Variants in PACRG observed in about 807,000 individuals in gnomAD.
The protein encoded by PACRG is parkin coregulated gene protein.
In PACRG, 29 loss-of-function variants were observed where a neutral mutation model predicts 29.7. The ratio of observed to expected loss-of-function variants is 0.98; its 90% CI spans 0.73 to 1.33. The LOEUF (loss-of-function observed/expected upper bound fraction) is 1.33. Among genes scored for constraint, PACRG ranks in the 40% most tolerant of loss-of-function variants. The pLI, the probability that PACRG is intolerant of heterozygous loss-of-function variation, is 0.00. For synonymous variants in PACRG, 116 were observed against 118.7 expected (o/e 0.98, Z 0.15); for missense variants, 279 against 316.2 (o/e 0.88, Z 0.89).
Position 162,779,101 on chromosome 6 carries a change from G to A in PACRG, c.157-35046G>A, listed in dbSNP as rs180992908. Among the ~76,000 whole-genome samples the A allele has an allele frequency of 1.1e-4, 17 of 152,136 alleles. No individual in the cohort carries two copies. In the East Asian group the frequency reaches 1.7e-3, roughly 16 times the overall value. Reference sequence around the variant, plus strand: ...ATGTGTCCATGTGTTCTCATCATTCGGCTCCGACTTATAAGCAAGAACACG... The same window carrying A: ...ATGTGTCCATGTGTTCTCATCATTCAGCTCCGACTTATAAGCAAGAACACG... On this transcript the variant is annotated intron_variant, in intron 1 of 4. Transcript: ENST00000366888.
intron 2 of PACRG, among the ~76,000 whole-genome samples, chr6:162,892,719 G>A (rs1179054926): frequency 6.6e-6 from 1 of 152,182 alleles, no homozygotes; most frequent in East Asian, 1.9e-4. Context: ...GCCGTGACAG[G>A]CCTCTGTAGA....
chr6:163,227,097 C>G (rs1173322502), intron 4 of PACRG, among the ~76,000 whole-genome samples: 2 of 152,098 alleles, frequency 1.3e-5, no homozygotes, highest in East Asian at 3.9e-4. Context: ...TCTTGCATTG[C>G]TATAAGGAAA....
chr6:163,254,399 A>G (rs1380073349), intron 4 of PACRG, among the ~76,000 whole-genome samples: 2 of 152,330 alleles, frequency 1.3e-5, no homozygotes, highest in African/African-American at 2.4e-5. Context: ...ATGAGGCCCC[A>G]TTGAAGTAGG....
chr6:162,880,311 G>T (rs1320727997), intron 2 of PACRG, among the ~76,000 whole-genome samples: 2 of 152,202 alleles, frequency 1.3e-5, no homozygotes, highest in African/African-American at 4.8e-5. Flanking sequence ...ATGTTGCCAG[G>T]CCCCTCACTG....
chr6:162,949,103 C>T (rs551037231), intron 2 of PACRG, among the ~76,000 whole-genome samples: 116 of 152,146 alleles, frequency 7.6e-4, no homozygotes, highest in Non-Finnish European at 1.4e-3. Flanking sequence ...CCTAATTATT[C>T]CTCAGTATAT....
chr6:162,933,032 T>C (rs983574516), intron 2 of PACRG, among the ~76,000 whole-genome samples: 2 of 152,098 alleles, frequency 1.3e-5, no homozygotes, highest in Admixed American at 6.5e-5. Context: ...GTTTCCTGTA[T>C]CTCATATGAT....
intron 4 of PACRG, among the ~76,000 whole-genome samples, chr6:163,269,861 A>G (rs1418119683): frequency 1.5e-5 from 1 of 65,874 alleles, no homozygotes; most frequent in African/African-American, 8.5e-5. Flanking sequence ...AAGAAAGAGA[A>G]AGAAAGAGAA....
chr6:162,767,092 T>C (rs879914609), intron 1 of PACRG, among the ~76,000 whole-genome samples: 3 of 152,082 alleles, frequency 2.0e-5, no homozygotes, highest in Non-Finnish European at 4.4e-5. Context: ...CTTTATGGTG[T>C]AATACATGAT....
Position 163,055,757 on chromosome 6 carries a change from C to A in PACRG, c.292-6393C>A, listed in dbSNP as rs1810529448. Reference sequence around the variant, plus strand: ...ACACTTCAGTGGCAGTAAGTACTCTCATACAGTGTGACCATGACCACCATC... The same window carrying A: ...ACACTTCAGTGGCAGTAAGTACTCTAATACAGTGTGACCATGACCACCATC... On this transcript the variant is annotated intron_variant, in intron 2 of 4. Transcript: ENST00000366888. The surrounding 1 kb of genome is among the most constrained non-coding windows in gnomAD (Gnocchi z 4.0). 6.6e-6 allele frequency among the ~76,000 whole-genome samples: 1 copy of A among 152,130 alleles called. No individual in the cohort carries two copies. Among genetic ancestry groups the A allele is most frequent in the Admixed American group, 6.5e-5 (1 of 15,278 alleles).
In PACRG at chr6:162,853,535, T is replaced by A. The variant is rs947442025; in HGVS notation, c.291+39254T>A. ...AGCCTTAATAAGACAGAAAGAAATA[T>A]GCATACAAAGCTATACTACCAGATA... On this transcript the variant is annotated intron_variant, in intron 2 of 4. Transcript: ENST00000366888. This position sits in a 1 kb window ranked among gnomAD's most constrained non-coding sequence, Gnocchi z 4.7. 1.3e-5 allele frequency among the ~76,000 whole-genome samples: 2 copies of A among 152,172 alleles called. No individual in the cohort carries two copies. Among genetic ancestry groups the A allele is most frequent in the Non-Finnish European group, 2.9e-5 (2 of 68,020 alleles).
intron 4 of PACRG, among the ~76,000 whole-genome samples, chr6:163,108,170 T>C (rs2128317667): frequency 6.6e-6 from 1 of 152,004 alleles, no homozygotes; most frequent in Middle Eastern, 3.4e-3. Context: ...TGGGGTAGAT[T>C]TCCTTCTTTC....
chr6:163,125,638 A>G (rs1403598131), intron 4 of PACRG, among the ~76,000 whole-genome samples: 5 of 152,264 alleles, frequency 3.3e-5, no homozygotes, highest in Non-Finnish European at 7.3e-5. Context: ...CCTCATTAAC[A>G]GTAAATTCAA....
Position 163,211,813 on chromosome 6 carries a change from G to C in PACRG, c.614-103014G>C, listed in dbSNP as rs201116606. On this transcript the variant is annotated intron_variant, in intron 4 of 4. Coordinates refer to ENST00000366888, the MANE Select transcript of PACRG (RefSeq NM_001080379.2). ...AGCAAACAGGTCATGAGGGTATGAG[G>C]GGAGGGTAGCATAATGCAGTGCTCA... Among the ~76,000 whole-genome samples, 10 of 152,252 alleles carry C rather than the reference G, an allele frequency of 6.6e-5. No homozygotes were observed. In the East Asian group the frequency reaches 1.9e-3, roughly 29 times the overall value.
At position 162,757,364 on chromosome 6, in the gene PACRG, A is replaced by G. The variant is rs377751867; in HGVS notation, c.156+28973A>G. ...TAAAGAAACATTATATAAATATAAC[A>G]TGGGGGCCACACACTGTGGCTCACG... On this transcript the variant is annotated intron_variant, in intron 1 of 4. Transcript: ENST00000366888. Among the ~76,000 whole-genome samples, 8 of 152,186 alleles carry G rather than the reference A, an allele frequency of 5.3e-5. No individual in the cohort carries two copies. The East Asian group carries it at 5.8e-4, about 11-fold the overall frequency.
intron 1 of PACRG, among the ~76,000 whole-genome samples, chr6:162,753,375 T>C (rs1161038541): frequency 6.6e-6 from 1 of 152,186 alleles, no homozygotes; most frequent in Non-Finnish European, 1.5e-5. Flanking sequence ...TATGCCCTGA[T>C]AATTTCATGT....
chr6:162,755,970 C>T (rs780282494), intron 1 of PACRG, among the ~76,000 whole-genome samples: 7 of 151,762 alleles, frequency 4.6e-5, no homozygotes, highest in Admixed American at 6.6e-5. Context: ...GATTTTTTCT[C>T]ATCCATTTCT....
chr6:162,944,345 AAAC>A (rs1798848471), intron 2 of PACRG, among the ~76,000 whole-genome samples: 1 of 152,220 alleles, frequency 6.6e-6, no homozygotes, highest in African/African-American at 2.4e-5. Context: ...AAGAAAATTC[AAAC>A]AACTGGAGAA....
At chr6:162,958,587 T>C (rs888597954) in intron 2 of PACRG, among the ~76,000 whole-genome samples, 1 of 151,922 alleles carries the variant, frequency 6.6e-6, no homozygotes, top group African/African-American at 2.4e-5. Context: ...ATTTATTCAC[T>C]TGACAAATAT....
chr6:162,917,057 T>C (rs1301711024), intron 2 of PACRG, among the ~76,000 whole-genome samples: 6 of 152,182 alleles, frequency 3.9e-5, no homozygotes, highest in Admixed American at 3.9e-4. Flanking sequence ...TTTTGGAGTC[T>C]GGGCCTTGCA....
Sources: gnomAD v4.1 joint callset for allele counts (sites outside exome capture counted in the v4.1 genomes callset) on GRCh38, gnomAD v4.1.1 for gene constraint, Gnocchi (gnomAD v3.1) non-coding constraint, MANE v1.5 for transcripts, NCBI Gene and HGNC (gene_info 2026-07-23, HGNC 2026-07-21) for gene names.